The following CCDC170 variants were observed in gnomAD, a reference collection of about 807,000 sequenced individuals.
CCDC170 encodes the protein coiled-coil domain-containing protein 170.
Under a neutral mutation model 72.6 loss-of-function variants are expected in CCDC170, and 69 were observed. The ratio of observed to expected loss-of-function variants is 0.95; its 90% CI spans 0.78 to 1.16. CCDC170 has a LOEUF of 1.16. Ranked by LOEUF, CCDC170 falls within the 50% of genes most tolerant of loss-of-function variation. The probability of loss-of-function intolerance (pLI) is 0.00; values close to 1 mark genes in which losing one functional copy is unlikely to be tolerated. For synonymous variants in CCDC170, 300 were observed against 303.9 expected (o/e 0.99, Z 0.13); for missense variants, 852 against 832.5 (o/e 1.02, Z -0.29).
At chr6:151,566,349 A>G (rs988615621) in intron 5 of CCDC170, among the ~76,000 whole-genome samples, 39 of 152,104 alleles carry the variant, frequency 2.6e-4, no homozygotes, top group Non-Finnish European at 2.6e-4. Flanking sequence ...TGATTTCAAG[A>G]CTTTTGCCAT....
chr6:151,548,516 A>T (rs771251697), intron 5 of CCDC170, 27 bp downstream of exon 5: 2 of 1,461,032 alleles, frequency 1.4e-6, no homozygotes, highest in Admixed American at 4.5e-5. Context: ...ATACGTGTGC[A>T]TCTGGGACCA....
chr6:151,520,962 TTCTC>T (rs1317435792), intron 1 of CCDC170, among the ~76,000 whole-genome samples: 1 of 152,208 alleles, frequency 6.6e-6, no homozygotes, highest in African/African-American at 2.4e-5. Flanking sequence ...AATTAACTCT[TTCTC>T]TATTGCAATT....
At chr6:151,579,557 C>T (rs1373070094) in intron 6 of CCDC170, among the ~76,000 whole-genome samples, 1 of 152,148 alleles carries the variant, frequency 6.6e-6, no homozygotes, top group Admixed American at 6.5e-5. Flanking sequence ...TCTCACTTCG[C>T]TGAGTCTCAA....
At chr6:151,607,007 T>C (rs547037494) in intron 9 of CCDC170, among the ~76,000 whole-genome samples, 3 of 152,292 alleles carry the variant, frequency 2.0e-5, no homozygotes, top group Non-Finnish European at 4.4e-5. Flanking sequence ...ACAGGTGAAG[T>C]TGATTTCTTA....
chr6:151,524,929 CTTTTTTT>C (rs34288029), intron 1 of CCDC170, among the ~76,000 whole-genome samples: 23 of 110,042 alleles, frequency 2.1e-4, no homozygotes, highest in African/African-American at 8.5e-4. Context: ...TAGTCTGATT[CTTTTTTT>C]TTTTTTTTTT....
intron 1 of CCDC170, among the ~76,000 whole-genome samples, chr6:151,505,577 G>A (rs893861671): frequency 1.3e-5 from 2 of 151,968 alleles, no homozygotes; most frequent in African/African-American, 4.8e-5. Context: ...CCAGCTACCC[G>A]GGAGGTTGAG....
At chr6:151,562,720 T>C (rs1172981325) in intron 5 of CCDC170, among the ~76,000 whole-genome samples, 4 of 152,180 alleles carry the variant, frequency 2.6e-5, no homozygotes, top group African/African-American at 9.7e-5. Flanking sequence ...GGTAGTGCAG[T>C]TGAAACTGCA....
At position 151,544,569 on chromosome 6, in the gene CCDC170, CAG is replaced by C. The variant is rs1782742531; in HGVS notation, c.444-1_444del. On this transcript the variant is annotated splice_acceptor_variant, in intron 3 of 10. Transcript: ENST00000239374. LOFTEE classifies it high-confidence loss of function. ...TCTGACTTATTTGTTATTTGCCTAA[CAG>C]AAAGTGTTCAAAAGAAAATGAGGAG... The C allele has an allele frequency of 6.2e-7, 1 of 1,607,928 alleles. No homozygotes were observed. The highest frequency in any genetic ancestry group is 1.3e-5 in the African/African-American group (1 of 74,804).
intron 1 of CCDC170, among the ~76,000 whole-genome samples, chr6:151,526,474 C>A (rs1384111342): frequency 6.6e-6 from 1 of 151,436 alleles, no homozygotes; most frequent in Non-Finnish European, 1.5e-5. Context: ...CTTGCCTTGG[C>A]CTCCCATAGT....
At chr6:151,547,022 T>C (rs1583020286) in intron 4 of CCDC170, among the ~76,000 whole-genome samples, 1 of 149,880 alleles carries the variant, frequency 6.7e-6, no homozygotes, top group Admixed American at 6.6e-5. Flanking sequence ...TTGGCCCAGA[T>C]CAGGAAGTCT....
intron 9 of CCDC170, among the ~76,000 whole-genome samples, chr6:151,611,700 G>C (rs1187658589): frequency 6.6e-6 from 1 of 152,020 alleles, no homozygotes; most frequent in Non-Finnish European, 1.5e-5. Context: ...GTTATAGTAG[G>C]TAAAAACTGT....
At chr6:151,607,119 G>T (rs370957472) in intron 9 of CCDC170, among the ~76,000 whole-genome samples, 76 of 152,222 alleles carry the variant, frequency 5.0e-4, no homozygotes, top group African/African-American at 1.8e-3. Context: ...GTAAGATCTT[G>T]TTATTGCCAT....
At chr6:151,612,078 C>A (rs1238476500) in intron 9 of CCDC170, among the ~76,000 whole-genome samples, 1 of 152,120 alleles carries the variant, frequency 6.6e-6, no homozygotes, top group East Asian at 1.9e-4. Flanking sequence ...TGATATCACA[C>A]AAAATGGTAT....
Position 151,494,060 on chromosome 6 carries a change from CGG to C in CCDC170, c.-68_-67del. 7 of 1,398,868 alleles carry C rather than the reference CGG, an allele frequency of 5.0e-6. No homozygotes were observed. Among genetic ancestry groups the C allele is most frequent in the Non-Finnish European group, 6.5e-6 (7 of 1,075,144 alleles). 86.7% of individuals were successfully genotyped at this position (1,398,868 alleles called of 1,614,324 possible). On this transcript the variant is annotated 5_prime_UTR_variant, in exon 1 of 11. Transcript: ENST00000239374. ...CCGAGGAGACACCCGCGCCACCCGC[CGG>C]CTCCCGGCGCCGCCGCTTCCTCAGG...
chr6:151,495,060 G>T (rs1781890342), intron 1 of CCDC170, among the ~76,000 whole-genome samples: 1 of 152,154 alleles, frequency 6.6e-6, no homozygotes, highest in South Asian at 2.1e-4. Context: ...TTCCTACCAC[G>T]CTGTGTACTG....
At chr6:151,558,245 T>TTG (rs1554222756) in intron 5 of CCDC170, among the ~76,000 whole-genome samples, 1 of 150,352 alleles carries the variant, frequency 6.7e-6, no homozygotes, top group African/African-American at 2.4e-5. Flanking sequence ...TTTTTTTTTT[T>TTG]TTTTTTTTTT....
chr6:151,497,046 T>C (rs1322134932), intron 1 of CCDC170, among the ~76,000 whole-genome samples: 1 of 152,226 alleles, frequency 6.6e-6, no homozygotes, highest in East Asian at 1.9e-4. Flanking sequence ...ACCATCTCAA[T>C]AGTCAGTGTT....
intron 5 of CCDC170, among the ~76,000 whole-genome samples, chr6:151,549,467 T>C (rs1239144159): frequency 6.6e-6 from 1 of 152,226 alleles, no homozygotes; most frequent in Non-Finnish European, 1.5e-5. Flanking sequence ...AACAAATAGG[T>C]AATATATTTA....
At chr6:151,612,586 A>T (rs1230053104) in intron 9 of CCDC170, among the ~76,000 whole-genome samples, 2 of 152,020 alleles carry the variant, frequency 1.3e-5, no homozygotes. Flanking sequence ...GTTAGCATAG[A>T]CTTCATTTTT....
Sources: allele counts gnomAD v4.1 joint callset (sites outside exome capture counted in the v4.1 genomes callset), GRCh38; gene constraint gnomAD v4.1.1; transcripts MANE v1.5; gene names NCBI Gene and HGNC (gene_info 2026-07-23, HGNC 2026-07-21).